The following ANO5 variants were observed in gnomAD, a reference collection of about 807,000 sequenced individuals.
The protein encoded by ANO5 is anoctamin 5, also known as anoctamin-5.
In ANO5, 109 loss-of-function variants were observed where a neutral mutation model predicts 121.0. The observed-to-expected ratio is 0.90, with a 90% CI of 0.77 to 1.06. ANO5 has a LOEUF of 1.06. ANO5 is among the 50% of genes least tolerant of loss of function. The pLI is 0.00. For synonymous variants in ANO5, 406 were observed against 359.9 expected, an observed-to-expected ratio of 1.13 and a Z score of -1.45; for missense variants, 1,064 against 1,078.5, an observed-to-expected ratio of 0.99 and a Z score of 0.19.
chr11:22,277,558 A>T (rs1029276667), intron 21 of ANO5, among the ~76,000 whole-genome samples: 1 of 151,568 alleles, frequency 6.6e-6, no homozygotes, highest in Non-Finnish European at 1.5e-5. Context: ...TGACTTTATA[A>T]ATATTAGTCA....
At chr11:22,251,912 T>C (rs7935123) in intron 12 of ANO5, among the ~76,000 whole-genome samples, 18,900 of 150,700 alleles carry the variant, frequency 0.13, 3,397 homozygotes, top group African/African-American at 0.39. Flanking sequence ...TGCCTGTAGT[T>C]CCAGCTACTT....
intron 3 of ANO5, among the ~76,000 whole-genome samples, chr11:22,213,264 C>G (rs1392425853): frequency 6.6e-6 from 1 of 151,758 alleles, no homozygotes; most frequent in Non-Finnish European, 1.5e-5. Context: ...CCCTAAGATC[C>G]TTTTCCTATT....
intron 1 of ANO5, among the ~76,000 whole-genome samples, chr11:22,202,937 A>C (rs982833063): frequency 1.3e-5 from 2 of 152,056 alleles, no homozygotes; most frequent in Non-Finnish European, 2.9e-5. Flanking sequence ...TACATTTCCA[A>C]ATTAGGTTTC....
chr11:22,270,838 A>G (rs1010769959), intron 18 of ANO5, among the ~76,000 whole-genome samples: 1 of 152,156 alleles, frequency 6.6e-6, no homozygotes, highest in South Asian at 2.1e-4. Flanking sequence ...TTGACTTGCA[A>G]TTAGTATATG....
At chr11:22,233,585 T>G (rs1853115114) in intron 7 of ANO5, among the ~76,000 whole-genome samples, 6 of 151,912 alleles carry the variant, frequency 3.9e-5, no homozygotes, top group Admixed American at 3.9e-4. Flanking sequence ...TTCCACACAT[T>G]TTAAGATTAA....
At chr11:22,254,731 C>T (rs4244491) in intron 12 of ANO5, among the ~76,000 whole-genome samples, 125,557 of 152,082 alleles carry the variant, frequency 0.83, 52,355 homozygotes, top group African/African-American at 0.93. Context: ...TACATTTATA[C>T]TTTATGTATT....
chr11:22,218,584 A>T (rs1852540156), intron 4 of ANO5, among the ~76,000 whole-genome samples: 1 of 152,020 alleles, frequency 6.6e-6, no homozygotes, highest in Non-Finnish European at 1.5e-5. Context: ...GTTTTCACAC[A>T]GAGTCTTACT....
intron 13 of ANO5, among the ~76,000 whole-genome samples, chr11:22,256,195 G>T (rs1257745483): frequency 1.3e-5 from 2 of 152,004 alleles, no homozygotes; most frequent in African/African-American, 4.8e-5. Flanking sequence ...GAAGTGCTTT[G>T]CCTTTAAAGA....
intron 4 of ANO5, among the ~76,000 whole-genome samples, chr11:22,219,770 G>T (rs950456855): frequency 1.3e-5 from 2 of 151,762 alleles, no homozygotes; most frequent in Non-Finnish European, 2.9e-5. Context: ...ATTTTTCTCA[G>T]GTTCTTTTAC....
intron 2 of ANO5, 73 bp from the exon 3 acceptor site, chr11:22,211,191 T>C: frequency 1.3e-6 from 2 of 1,504,102 alleles, no homozygotes; most frequent in Non-Finnish European, 1.8e-6. Context: ...GAGTTGTTAC[T>C]GAAACTTAAA....
At chr11:22,272,539 A>C (rs762755572) in intron 18 of ANO5, among the ~76,000 whole-genome samples, 1 of 152,190 alleles carries the variant, frequency 6.6e-6, no homozygotes, top group Non-Finnish European at 1.5e-5. Flanking sequence ...TAACAAGCAT[A>C]TCTCTAAAGG....
intron 1 of ANO5, among the ~76,000 whole-genome samples, chr11:22,197,145 T>C (rs1182128145): frequency 1.3e-5 from 2 of 152,188 alleles, no homozygotes; most frequent in Non-Finnish European, 2.9e-5. Context: ...ACATTTTGCC[T>C]TTTAGACTTA....
Position 22,250,242 on chromosome 11 carries a change from A to T in ANO5, c.884A>T (p.Tyr295Phe), listed in dbSNP as rs1179132597. The change falls in exon 10 of 22, where the codon TAT becomes TTT. Residue 295 changes from tyrosine (Y) to phenylalanine (F), a missense_variant. Coordinates refer to ENST00000324559, the MANE Select transcript of ANO5 (RefSeq NM_213599.3). The stretch of plus-strand genomic sequence containing the variant: ...GTTTTTACTCTTTTTCACAGGAATT[A>T]TTATGGAGAAAAAATTGGTATCTAT... ...KEQPLDLIKN[Y>F]YGEKIGIYFV... 1 of 1,581,054 alleles carries T rather than the reference A, an allele frequency of 6.3e-7. No individual in the cohort carries two copies. Among genetic ancestry groups the T allele is most frequent in the East Asian group, 2.2e-5 (1 of 44,596 alleles).
chr11:22,232,952 A>G (rs575736577), intron 7 of ANO5, among the ~76,000 whole-genome samples: 2 of 152,136 alleles, frequency 1.3e-5, no homozygotes, highest in East Asian at 1.9e-4. Context: ...AAAACTGTTT[A>G]TTACACAGAA....
At chr11:22,271,652 CTTA>C (rs1157229003) in intron 18 of ANO5, among the ~76,000 whole-genome samples, 9 of 151,086 alleles carry the variant, frequency 6.0e-5, no homozygotes, top group South Asian at 2.1e-4. Context: ...TTGTTTACCA[CTTA>C]TTAAGACATA....
At chr11:22,278,869 T>G (rs1854967858) in intron 21 of ANO5, among the ~76,000 whole-genome samples, 1 of 146,516 alleles carries the variant, frequency 6.8e-6, no homozygotes, top group Non-Finnish European at 1.5e-5. Flanking sequence ...TTGTGCTGAA[T>G]TTCACTGTTT....
rs1357852319 is a variant in ANO5 at position 22,281,106 on chromosome 11, CTATA to C, written c.*1348_*1351del. The C allele has an allele frequency of 6.6e-6, 1 of 151,826 alleles. No individual in the cohort carries two copies. The highest frequency in any genetic ancestry group is 1.5e-5 in the Non-Finnish European group (1 of 67,848). The allele number at this position is 151,826 out of a possible 1,614,324, so 9.4% of individuals were successfully genotyped here. On this transcript the variant is annotated 3_prime_UTR_variant, in exon 22 of 22. Coordinates refer to ENST00000324559, the MANE Select transcript of ANO5 (RefSeq NM_213599.3). Reference sequence around the variant, plus strand: ...ACTTTGTGTATACACACACACACATCTATATATATAATTATTAGCACTAGAGGGA... The same window carrying C: ...ACTTTGTGTATACACACACACACATCTATATAATTATTAGCACTAGAGGGA...
At chr11:22,274,258 C>G (rs1187443914) in intron 19 of ANO5, among the ~76,000 whole-genome samples, 1 of 151,700 alleles carries the variant, frequency 6.6e-6, no homozygotes, top group Non-Finnish European at 1.5e-5. Flanking sequence ...TAGAACTGTG[C>G]TGTGAAACAA....
chr11:22,203,946 A>C (rs966681792), intron 2 of ANO5, 96 bp downstream of exon 2: 2 of 775,830 alleles, frequency 2.6e-6, no homozygotes, highest in African/African-American at 3.5e-5. Flanking sequence ...CTTATAATAC[A>C]TTCTATTATG....
Sources: allele counts gnomAD v4.1 joint callset (sites outside exome capture counted in the v4.1 genomes callset), GRCh38; gene constraint gnomAD v4.1.1; transcripts MANE v1.5; gene names NCBI Gene and HGNC (gene_info 2026-07-23, HGNC 2026-07-21).